The following CAMKMT variants were observed in gnomAD, a reference collection of about 807,000 sequenced individuals.
CAMKMT encodes the protein CaM KMT.
CAMKMT carries 53 observed loss-of-function variants against 48.0 expected under a neutral mutation model. The ratio of observed to expected loss-of-function variants is 1.10; its 90% CI spans 0.89 to 1.39. The LOEUF (loss-of-function observed/expected upper bound fraction) is 1.39. Ranked by LOEUF, CAMKMT falls within the 40% of genes most tolerant of loss-of-function variation. CAMKMT has a pLI of 0.00. For missense variants in CAMKMT, 428 were observed against 402.7 expected, an observed-to-expected ratio of 1.06 and a Z score of -0.54; for synonymous variants, 165 against 152.3, an observed-to-expected ratio of 1.08 and a Z score of -0.61.
At chr2:44,572,359 A>C (rs1053850366) in intron 3 of CAMKMT, among the ~76,000 whole-genome samples, 3 of 152,168 alleles carry the variant, frequency 2.0e-5, no homozygotes, top group African/African-American at 4.8e-5. Flanking sequence ...TATGAATTTC[A>C]TATAAGACGA....
At chr2:44,629,273 C>G (rs1361974617) in intron 3 of CAMKMT, among the ~76,000 whole-genome samples, 1 of 151,884 alleles carries the variant, frequency 6.6e-6, no homozygotes, top group East Asian at 1.9e-4. Flanking sequence ...TATGAAATGT[C>G]TTTCTTTATC....
chr2:44,700,793 G>A (rs927646723), intron 3 of CAMKMT, among the ~76,000 whole-genome samples: 9 of 152,172 alleles, frequency 5.9e-5, no homozygotes, highest in Non-Finnish European at 1.2e-4. Flanking sequence ...CACTAGTTGA[G>A]CACATGCTGT....
rs577414071 is a variant in CAMKMT at position 44,480,971 on chromosome 2, T to C, written c.376+90666T>C. Reference sequence around the variant, plus strand: ...ACATTTGGATCATATAAATAGGAGATACATGCCTATACTTTCTATCATCCA... The same window carrying C: ...ACATTTGGATCATATAAATAGGAGACACATGCCTATACTTTCTATCATCCA... On this transcript the variant is annotated intron_variant, in intron 3 of 10. Coordinates refer to ENST00000378494, the MANE Select transcript of CAMKMT (RefSeq NM_024766.5). Among the ~76,000 whole-genome samples, 3 of 152,180 alleles carry C rather than the reference T, an allele frequency of 2.0e-5. No individual in the cohort carries two copies. The East Asian group carries it at 5.8e-4, about 29-fold the overall frequency.
At chr2:44,643,147 A>G (rs1315411451) in intron 3 of CAMKMT, among the ~76,000 whole-genome samples, 4 of 152,196 alleles carry the variant, frequency 2.6e-5, no homozygotes, top group East Asian at 1.9e-4. Flanking sequence ...ATTATTGTCT[A>G]TGAGTATATT....
intron 3 of CAMKMT, among the ~76,000 whole-genome samples, chr2:44,676,951 C>T (rs907475904): frequency 6.6e-6 from 1 of 152,120 alleles, no homozygotes; most frequent in Non-Finnish European, 1.5e-5. Flanking sequence ...TCTCAGAATT[C>T]TCTGCAGGAA....
intron 3 of CAMKMT, among the ~76,000 whole-genome samples, chr2:44,655,336 A>T (rs1387261782): frequency 2.6e-5 from 4 of 152,208 alleles, no homozygotes; most frequent in Non-Finnish European, 5.9e-5. Context: ...TTCTTCTAGT[A>T]ATAATAATGA....
intron 3 of CAMKMT, among the ~76,000 whole-genome samples, chr2:44,485,572 C>T (rs184475357): frequency 6.6e-6 from 1 of 152,276 alleles, no homozygotes; most frequent in East Asian, 1.9e-4. Context: ...TAGCCTGCTG[C>T]ACACATAGGC....
chr2:44,398,417 C>T (rs984209941), intron 3 of CAMKMT, among the ~76,000 whole-genome samples: 5 of 152,134 alleles, frequency 3.3e-5, no homozygotes, highest in Non-Finnish European at 5.9e-5. Context: ...AAAATGGGCT[C>T]TCCAGGGTTT....
At chr2:44,383,258 A>G (rs1031533569) in intron 2 of CAMKMT, among the ~76,000 whole-genome samples, 2 of 151,640 alleles carry the variant, frequency 1.3e-5, no homozygotes, top group African/African-American at 4.8e-5. Flanking sequence ...TTCACCTCCC[A>G]GGTTCAAGCA....
At chr2:44,505,139 C>T (rs953807823) in intron 3 of CAMKMT, among the ~76,000 whole-genome samples, 1 of 152,156 alleles carries the variant, frequency 6.6e-6, no homozygotes, top group Non-Finnish European at 1.5e-5. Flanking sequence ...AAACACCTCA[C>T]GTTAGGCCCC....
intron 3 of CAMKMT, among the ~76,000 whole-genome samples, chr2:44,470,646 T>A (rs1282226813): frequency 6.6e-6 from 1 of 152,222 alleles, no homozygotes; most frequent in Non-Finnish European, 1.5e-5. Flanking sequence ...TGAATTTTGC[T>A]ATACATTAAT....
At chr2:44,391,460 G>T (rs544700970) in intron 3 of CAMKMT, among the ~76,000 whole-genome samples, 1 of 151,932 alleles carries the variant, frequency 6.6e-6, no homozygotes, top group Non-Finnish European at 1.5e-5. Context: ...CTCCCACTTA[G>T]GTGTATCTCA....
intron 3 of CAMKMT, among the ~76,000 whole-genome samples, chr2:44,571,219 A>G (rs780371131): frequency 2.0e-5 from 3 of 152,270 alleles, no homozygotes; most frequent in Non-Finnish European, 4.4e-5. Context: ...TAAGATTTGT[A>G]TAGTGATTAC....
intron 2 of CAMKMT, among the ~76,000 whole-genome samples, chr2:44,379,879 C>G (rs1325495950): frequency 1.3e-5 from 2 of 151,694 alleles, no homozygotes; most frequent in Non-Finnish European, 1.5e-5. Context: ...ATATTAGACC[C>G]TATCATACAT....
chr2:44,574,257 A>G (rs1435989459), intron 3 of CAMKMT, among the ~76,000 whole-genome samples: 1 of 152,218 alleles, frequency 6.6e-6, no homozygotes, highest in Non-Finnish European at 1.5e-5. Flanking sequence ...AGCATGGCCC[A>G]GTGCCTTTAT....
chr2:44,588,305 G>T (rs1670016144), intron 3 of CAMKMT, among the ~76,000 whole-genome samples: 1 of 21,830 alleles, frequency 4.6e-5, no homozygotes, highest in African/African-American at 1.8e-4. Context: ...CGGGAGGGAG[G>T]GGGGGGGTCA....
At chr2:44,546,522 C>T (rs1667420375) in intron 3 of CAMKMT, among the ~76,000 whole-genome samples, 1 of 152,184 alleles carries the variant, frequency 6.6e-6, no homozygotes, top group South Asian at 2.1e-4. Context: ...AATGCTATTC[C>T]TGATGACCTG....
chr2:44,711,986 G>A (rs1473185604), intron 6 of CAMKMT, among the ~76,000 whole-genome samples: 2 of 152,008 alleles, frequency 1.3e-5, no homozygotes, highest in South Asian at 2.1e-4. Context: ...TTTGGTGAAC[G>A]TCATCTTGCA....
At chr2:44,432,847 C>G (rs1183465256) in intron 3 of CAMKMT, among the ~76,000 whole-genome samples, 1 of 150,956 alleles carries the variant, frequency 6.6e-6, no homozygotes, top group East Asian at 1.9e-4. Flanking sequence ...AAAACATATG[C>G]TTTCCAAGTA....
Sources: gnomAD v4.1 joint callset for allele counts (sites outside exome capture counted in the v4.1 genomes callset) on GRCh38, gnomAD v4.1.1 for gene constraint, MANE v1.5 for transcripts, NCBI Gene and HGNC (gene_info 2026-07-23, HGNC 2026-07-21) for gene names.